RASA1: variants seen among roughly 807,000 people sequenced by gnomAD.
RASA1 encodes RAS p21 protein activator 1, also known as ras GTPase-activating protein 1.
A neutral mutation model predicts 132.2 loss-of-function variants in RASA1; 25 were observed. That is an observed-to-expected ratio of 0.19 (90% CI 0.14 to 0.26). RASA1 has a LOEUF of 0.26. Ranked by LOEUF, RASA1 falls within the 10% of genes least tolerant of loss-of-function variation. The probability of loss-of-function intolerance (pLI) is 1.00; values close to 1 mark genes in which losing one functional copy is unlikely to be tolerated. For missense variants in RASA1, 964 were observed against 1,299.2 expected (o/e 0.74, Z 3.97); for synonymous variants, 477 against 449.9 (o/e 1.06, Z -0.76).
Position 87,373,690 on chromosome 5 carries a change from T to A in RASA1, c.1777-473T>A, listed in dbSNP as rs115275334. On this transcript the variant is annotated intron_variant, in intron 13 of 24. Transcript: ENST00000274376. ...GTTTCTTTAGGTTTGTATCCTTTCCTGTAAAATAAGAAGGTAAAGTCAGTG... is the reference window on the plus strand; with the variant it reads ...GTTTCTTTAGGTTTGTATCCTTTCCAGTAAAATAAGAAGGTAAAGTCAGTG... Among the ~76,000 whole-genome samples the A allele has an allele frequency of 7.5e-3, 1,146 of 152,308 alleles. 17 individuals carry two copies. The highest frequency in any genetic ancestry group is 0.027 in the African/African-American group (1,107 of 41,568).
chr5:87,387,458 CCTTT>C (rs767043142), intron 23 of RASA1, among the ~76,000 whole-genome samples: 10 of 152,230 alleles, frequency 6.6e-5, no homozygotes, highest in Non-Finnish European at 1.0e-4. Context: ...TAGGACCCTG[CCTTT>C]CTTAATCAAG....
chr5:87,269,133 TTAATC>T (rs1753708575), intron 1 of RASA1, 143 bp downstream of exon 1: 11 of 1,613,456 alleles, frequency 6.8e-6, no homozygotes, highest in Middle Eastern at 1.6e-4. Context: ...GGGTAGGAAT[TTAATC>T]TGATCACTTA....
At position 87,362,890 on chromosome 5, in the gene RASA1, TTTTC is replaced by T. The variant is rs547648090; in HGVS notation, c.1453+235_1453+238del. The stretch of plus-strand genomic sequence containing the variant: ...TGTTTCTTCTACCCATGGTTTCTTT[TTTTC>T]TTTCTTTCTTTCTTTTTTTTTTTTG... On this transcript the variant is annotated intron_variant, in intron 10 of 24. Transcript: ENST00000274376. Among the ~76,000 whole-genome samples, 408 of 151,650 alleles carry T rather than the reference TTTTC, an allele frequency of 2.7e-3. 2 individuals are homozygous for T. Among genetic ancestry groups the T allele is most frequent in the Middle Eastern group, 0.017 (5 of 290 alleles).
In RASA1 at chr5:87,389,388, T is replaced by TA. The variant is rs760483907; in HGVS notation, c.2926-2dup. The TA allele has an allele frequency of 8.1e-6, 13 of 1,613,906 alleles. No individual in the cohort carries two copies. The highest frequency in any genetic ancestry group is 1.1e-5 in the Non-Finnish European group (13 of 1,179,918). On this transcript the variant is annotated splice_polypyrimidine_tract_variant and splice_region_variant and intron_variant, in intron 23 of 24. Transcript: ENST00000274376. ...TCTAAATGCAATTTTACGATTCCCT[T>TA]AAAGAATGTACCTGAACTTCCGGAC...
At chr5:87,354,459 G>A (rs557866384) in intron 9 of RASA1, among the ~76,000 whole-genome samples, 1 of 152,010 alleles carries the variant, frequency 6.6e-6, no homozygotes, top group East Asian at 1.9e-4. Flanking sequence ...ATTGTTTTGG[G>A]GTGCCATGAA....
chr5:87,342,735 G>A (rs1580310950), intron 6 of RASA1, among the ~76,000 whole-genome samples: 1 of 152,244 alleles, frequency 6.6e-6, no homozygotes, highest in South Asian at 2.1e-4. Context: ...CCTATTGTAA[G>A]GTAATCACTT....
intron 1 of RASA1, among the ~76,000 whole-genome samples, chr5:87,319,786 T>C (rs775705065): frequency 1.3e-5 from 2 of 152,242 alleles, no homozygotes; most frequent in Non-Finnish European, 2.9e-5. Context: ...TTGTTATTTA[T>C]GTAAATTTCT....
chr5:87,390,817 T>A lies in RASA1; in HGVS notation c.3078T>A (p.Leu1026=), dbSNP rs1222454792. The change falls in exon 25 of 25, where the codon CTT becomes CTA. Residue 1026 remains leucine, a synonymous_variant. Transcript: ENST00000274376. ...RGAQQHVLKK[L]LAITELLQQK... Reference sequence around the variant, plus strand: ...CTGTCTAGCACGTATTGAAAAAGCTTCTGGCTATAACAGAACTGCTTCAAC... The same window carrying A: ...CTGTCTAGCACGTATTGAAAAAGCTACTGGCTATAACAGAACTGCTTCAAC... 6.2e-7 allele frequency: 1 copy of A among 1,613,202 alleles called. No individual in the cohort carries two copies. Among genetic ancestry groups the A allele is most frequent in the East Asian group, 2.2e-5 (1 of 44,856 alleles).
chr5:87,331,972 ATATTG>A (rs769070628), intron 2 of RASA1, among the ~76,000 whole-genome samples: 6 of 152,146 alleles, frequency 3.9e-5, no homozygotes, highest in Non-Finnish European at 7.4e-5. Flanking sequence ...ATATTTACCC[ATATTG>A]TATTGTTTCA....
chr5:87,316,987 G>A (rs1418509106), intron 1 of RASA1, among the ~76,000 whole-genome samples: 1 of 151,874 alleles, frequency 6.6e-6, no homozygotes, highest in East Asian at 1.9e-4. Flanking sequence ...GATTCAAGCA[G>A]TTCTCATGCC....
intron 1 of RASA1, among the ~76,000 whole-genome samples, chr5:87,303,864 G>T (rs1713832006): frequency 1.4e-5 from 2 of 139,664 alleles, no homozygotes; most frequent in African/African-American, 5.3e-5. Context: ...TTTTGAGGCA[G>T]AGTTTTGCTC....
At chr5:87,301,128 T>A (rs1755340168) in intron 1 of RASA1, among the ~76,000 whole-genome samples, 2 of 152,166 alleles carry the variant, frequency 1.3e-5, no homozygotes, top group Non-Finnish European at 1.5e-5. Context: ...ATATAACAGA[T>A]GAGGGAGAGG....
chr5:87,338,898 C>G (rs544247007), intron 5 of RASA1, among the ~76,000 whole-genome samples: 1 of 151,642 alleles, frequency 6.6e-6, no homozygotes, highest in Admixed American at 6.6e-5. Flanking sequence ...TTTTTGTTTC[C>G]ATCATATAAT....
chr5:87,371,536 T>C (rs1760939573), intron 12 of RASA1, among the ~76,000 whole-genome samples: 1 of 152,168 alleles, frequency 6.6e-6, no homozygotes, highest in South Asian at 2.1e-4. Flanking sequence ...TGCAATTTGA[T>C]TTGAATATTA....
intron 1 of RASA1, among the ~76,000 whole-genome samples, chr5:87,324,175 A>C (rs369604016): frequency 2.0e-5 from 3 of 152,198 alleles, no homozygotes; most frequent in Non-Finnish European, 4.4e-5. Flanking sequence ...AAACCCAACT[A>C]TAAGAATTGA....
chr5:87,270,917 A>G (rs1460903660), intron 1 of RASA1, among the ~76,000 whole-genome samples: 1 of 152,080 alleles, frequency 6.6e-6, no homozygotes, highest in Non-Finnish European at 1.5e-5. Flanking sequence ...TTTGTAATGC[A>G]GAGTCCCTGG....
chr5:87,296,102 C>T (rs1294562984), intron 1 of RASA1, among the ~76,000 whole-genome samples: 1 of 152,118 alleles, frequency 6.6e-6, no homozygotes, highest in African/African-American at 2.4e-5. Flanking sequence ...CAGGTGTGAG[C>T]CACTACAACC....
At chr5:87,318,075 T>C (rs924536098) in intron 1 of RASA1, among the ~76,000 whole-genome samples, 4 of 152,120 alleles carry the variant, frequency 2.6e-5, no homozygotes, top group Non-Finnish European at 4.4e-5. Context: ...ACCATTAGGT[T>C]GAGATTCATT....
At chr5:87,297,198 A>G (rs965315163) in intron 1 of RASA1, among the ~76,000 whole-genome samples, 2 of 152,224 alleles carry the variant, frequency 1.3e-5, no homozygotes, top group African/African-American at 2.4e-5. Context: ...TAAAGCACCT[A>G]GCATATTAAT....
Sources: gnomAD v4.1 joint callset for allele counts (sites outside exome capture counted in the v4.1 genomes callset) on GRCh38, gnomAD v4.1.1 for gene constraint, MANE v1.5 for transcripts, NCBI Gene and HGNC (gene_info 2026-07-23, HGNC 2026-07-21) for gene names.